The following EIF2AK4 variants were observed in gnomAD, a reference collection of about 807,000 sequenced individuals.
EIF2AK4 encodes the protein eukaryotic translation initiation factor 2 alpha kinase 4, also known as eIF-2-alpha kinase GCN2.
In EIF2AK4, 139 loss-of-function variants were observed where a neutral mutation model predicts 211.1. The ratio of observed to expected loss-of-function variants is 0.66; its 90% CI spans 0.57 to 0.76. EIF2AK4 has a LOEUF of 0.76. Ranked by LOEUF, EIF2AK4 falls within the 30% of genes least tolerant of loss-of-function variation. The probability of loss-of-function intolerance (pLI) is 0.00; values close to 1 mark genes in which losing one functional copy is unlikely to be tolerated. For missense variants in EIF2AK4, 1,664 were observed against 2,043.8 expected, an observed-to-expected ratio of 0.81 and a Z score of 3.58; for synonymous variants, 710 against 751.3, an observed-to-expected ratio of 0.94 and a Z score of 0.90.
At position 40,029,521 on chromosome 15, in the gene EIF2AK4, C is replaced by T. The variant is rs2035510485; in HGVS notation, c.4561+57C>T. 3 of 1,528,508 alleles carry T rather than the reference C, an allele frequency of 2.0e-6. No individual in the cohort carries two copies. The South Asian group carries it at 3.6e-5, about 18-fold the overall frequency. 94.7% of individuals were successfully genotyped at this position (1,528,508 alleles called of 1,614,324 possible). A position where few individuals can be genotyped will look rare whatever the true frequency, so the allele number is the denominator to read the frequency against. ...GATGCTTATATGTTTGCTCTAAGCACTTATTACTGTAGCTAACTGCTTGTG... is the reference window on the plus strand; with the variant it reads ...GATGCTTATATGTTTGCTCTAAGCATTTATTACTGTAGCTAACTGCTTGTG... On this transcript the variant is annotated intron_variant, in intron 34 of 38. Coordinates refer to ENST00000263791, the MANE Select transcript of EIF2AK4 (RefSeq NM_001013703.4).
chr15:39,999,470 A>G (rs1595419800), intron 20 of EIF2AK4, among the ~76,000 whole-genome samples: 2 of 151,662 alleles, frequency 1.3e-5, no homozygotes, highest in South Asian at 2.1e-4. Context: ...ATCAAGGCAA[A>G]CTCCTTATTT....
chr15:40,032,849 C>G, intron 37 of EIF2AK4, 48 bp downstream of exon 37: 1 of 1,550,846 alleles, frequency 6.4e-7, no homozygotes, highest in Non-Finnish European at 8.8e-7. Flanking sequence ...GATCCCAAAT[C>G]TTTGCTATTA....
chr15:40,027,382 G>C (rs2035478204), intron 33 of EIF2AK4, among the ~76,000 whole-genome samples: 1 of 152,180 alleles, frequency 6.6e-6, no homozygotes, highest in South Asian at 2.1e-4. Flanking sequence ...TATGAAAATA[G>C]TTTTGACCTT....
rs532803938 is a variant in EIF2AK4, at chr15:40,021,370, C to T, written c.4302+343C>T. 9.2e-5 allele frequency among the ~76,000 whole-genome samples: 14 copies of T among 152,276 alleles called. No individual in the cohort carries two copies. The South Asian group carries it at 2.9e-3, about 32-fold the overall frequency. On this transcript the variant is annotated intron_variant, in intron 31 of 38. Coordinates refer to ENST00000263791, the MANE Select transcript of EIF2AK4 (RefSeq NM_001013703.4). ...TTCCTTGGCTCATGGCCTCTTCCTC[C>T]ATCATCACACTCAGCAATGAAGCGC...
At chr15:39,958,302 G>A (rs2034419816) in intron 6 of EIF2AK4, among the ~76,000 whole-genome samples, 1 of 152,204 alleles carries the variant, frequency 6.6e-6, no homozygotes, top group Non-Finnish European at 1.5e-5. Context: ...CAGACTTGCT[G>A]TCTTTGCAGA....
At chr15:40,015,761 T>C (rs530680348) in intron 27 of EIF2AK4, among the ~76,000 whole-genome samples, 28 of 152,392 alleles carry the variant, frequency 1.8e-4, no homozygotes, top group African/African-American at 6.5e-4. Flanking sequence ...ATGGATGAAC[T>C]AGGTTGTACT....
At chr15:39,992,273 C>A in intron 17 of EIF2AK4, 44 bp downstream of exon 17, 1 of 1,506,770 alleles carries the variant, frequency 6.6e-7, no homozygotes, top group Non-Finnish European at 9.0e-7. Flanking sequence ...GTTAAAGACC[C>A]CAGAATTTCT....
At chr15:39,940,851 C>T (rs73384358) in intron 2 of EIF2AK4, among the ~76,000 whole-genome samples, 9,741 of 152,084 alleles carry the variant, frequency 0.064, 1,072 homozygotes, top group African/African-American at 0.22. Flanking sequence ...TGGCAAGTCC[C>T]AGTACTTCTG....
chr15:39,969,739 G>A (rs908832140), intron 9 of EIF2AK4, among the ~76,000 whole-genome samples: 2 of 152,118 alleles, frequency 1.3e-5, no homozygotes, highest in Non-Finnish European at 2.9e-5. Flanking sequence ...GACTGTGCTT[G>A]GTTAAGGAGC....
rs532565524 is a variant in EIF2AK4 at position 39,964,454 on chromosome 15, TAA to T, written c.860-1231_860-1230del. On this transcript the variant is annotated intron_variant, in intron 7 of 38. Transcript: ENST00000263791. ...GATGTCTGCACACATTTTTGATGGCTAACATTGGGGTCGGGGTGCTATTGGCA... is the reference window on the plus strand; with the variant it reads ...GATGTCTGCACACATTTTTGATGGCTCATTGGGGTCGGGGTGCTATTGGCA... Among the ~76,000 whole-genome samples the T allele has an allele frequency of 3.2e-3, 491 of 152,276 alleles. 4 individuals are homozygous for T. Among genetic ancestry groups the T allele is most frequent in the Middle Eastern group, 0.01 (3 of 294 alleles).
intron 29 of EIF2AK4, among the ~76,000 whole-genome samples, chr15:40,017,551 A>ATATATATATGTATGTATG (rs71132134): frequency 2.5e-4 from 22 of 86,982 alleles, no homozygotes; most frequent in Admixed American, 5.3e-4. Context: ...ATATATATAT[A>ATATATATATGTATGTATG]TATGTATTTT....
At chr15:39,947,407 ATGAT>A (rs1300606786) in intron 3 of EIF2AK4, among the ~76,000 whole-genome samples, 1 of 152,246 alleles carries the variant, frequency 6.6e-6, no homozygotes, top group Non-Finnish European at 1.5e-5. Flanking sequence ...TTGCTTATGA[ATGAT>A]TTTTAATCTA....
At chr15:40,005,477 A>G (rs1302342522) in intron 23 of EIF2AK4, among the ~76,000 whole-genome samples, 1 of 152,036 alleles carries the variant, frequency 6.6e-6, no homozygotes, top group African/African-American at 2.4e-5. Flanking sequence ...AGCCTGGACA[A>G]CAGAGCAAGA....
chr15:40,009,797 T>C, intron 26 of EIF2AK4, 67 bp downstream of exon 26: 2 of 1,146,540 alleles, frequency 1.7e-6, no homozygotes, highest in Non-Finnish European at 2.5e-6. Context: ...TAATAATAGT[T>C]CCTGATGATT....
At chr15:40,005,970 G>GAA (rs757405486) in intron 23 of EIF2AK4, among the ~76,000 whole-genome samples, 2 of 135,458 alleles carry the variant, frequency 1.5e-5, no homozygotes, top group Non-Finnish European at 3.2e-5. Flanking sequence ...AAGATACTCA[G>GAA]AAAAAAAAAA....
At chr15:40,022,299 C>T (rs2035401894) in intron 31 of EIF2AK4, 2 of 459,962 alleles carry the variant, frequency 4.3e-6, no homozygotes, top group South Asian at 3.0e-5. Flanking sequence ...TTATTCATGG[C>T]CCTTTAAACA....
Position 39,988,032 on chromosome 15 carries a change from T to C in EIF2AK4, c.2453T>C (p.Leu818Pro), listed in dbSNP as rs1566995608. ...TTACGAGACACCATTGACCAGGGAC[T>C]GTATCGAGACACCGTCAGACTCTGG... is the stretch of plus-strand genomic sequence containing the variant. ...STLRDTIDQG[L>P]YRDTVRLWRL... is the part of the protein sequence containing the mutation. Residue 818 changes from leucine to proline, a missense_variant, in exon 15 of 39, where the codon CTG becomes CCG. By Grantham distance (98) the Leu-to-Pro change is moderately conservative (BLOSUM62 -3). Transcript: ENST00000263791. The C allele has an allele frequency of 1.2e-6, 2 of 1,614,150 alleles. No homozygotes were observed. The highest frequency in any genetic ancestry group is 1.7e-6 in the Non-Finnish European group (2 of 1,179,978).
intron 20 of EIF2AK4, among the ~76,000 whole-genome samples, chr15:39,999,883 A>C (rs964159503): frequency 2.6e-5 from 4 of 152,170 alleles, no homozygotes; most frequent in Admixed American, 6.5e-5. Context: ...ATGGCCCAGG[A>C]ACTATACAAA....
rs551398113 is a variant in EIF2AK4 at position 40,008,508 on chromosome 15, A to G, written c.3576+313A>G. On this transcript the variant is annotated intron_variant, in intron 25 of 38. Transcript: ENST00000263791. ...CCTGTTTGGAACCCTCAGTGGCTCT[A>G]TCCTACACCCGATCTCTTCACTCCC... Among the ~76,000 whole-genome samples, 24 of 152,182 alleles carry G rather than the reference A, an allele frequency of 1.6e-4. No individual in the cohort carries two copies. The South Asian group carries it at 4.8e-3, about 30-fold the overall frequency.
Sources: gnomAD v4.1 joint callset for allele counts (sites outside exome capture counted in the v4.1 genomes callset) on GRCh38, gnomAD v4.1.1 for gene constraint, MANE v1.5 for transcripts, NCBI Gene and HGNC (gene_info 2026-07-23, HGNC 2026-07-21) for gene names.